The following NOTCH1 variants were observed in gnomAD, a reference collection of about 807,000 sequenced individuals.
The protein encoded by NOTCH1 is neurogenic locus notch homolog protein 1.
In NOTCH1, 37 loss-of-function variants were observed where a neutral mutation model predicts 254.8. That is an observed-to-expected ratio of 0.15 (90% CI 0.11 to 0.19). NOTCH1 has a LOEUF of 0.19. NOTCH1 is among the 10% of genes least tolerant of loss of function. The pLI, the probability that NOTCH1 is intolerant of heterozygous loss-of-function variation, is 1.00. For synonymous variants in NOTCH1, 1,731 were observed against 1,618.1 expected (o/e 1.07, Z -1.68); for missense variants, 2,972 against 3,708.6 (o/e 0.80, Z 5.16).
chr9:136,539,299 C>G (rs1843698386), intron 2 of NOTCH1, among the ~76,000 whole-genome samples: 1 of 152,270 alleles, frequency 6.6e-6, no homozygotes, highest in South Asian at 2.1e-4. Context: ...GGCTCCCACC[C>G]CAGTCTCCGC....
intron 4 of NOTCH1, among the ~76,000 whole-genome samples, chr9:136,522,255 G>A (rs1047345482): frequency 2.6e-5 from 4 of 152,160 alleles, no homozygotes; most frequent in Non-Finnish European, 4.4e-5. Flanking sequence ...GGGAGTACAG[G>A]CGTGAGCCAC....
intron 15 of NOTCH1, among the ~76,000 whole-genome samples, chr9:136,512,559 T>G (rs1353019432): frequency 6.6e-6 from 1 of 152,080 alleles, no homozygotes; most frequent in Non-Finnish European, 1.5e-5. Context: ...GAGCCCGCCA[T>G]CAAAGGAATC....
At chr9:136,511,115 C>A in intron 16 of NOTCH1, 37 bp downstream of exon 16, 1 of 1,612,818 alleles carries the variant, frequency 6.2e-7, no homozygotes, top group Admixed American at 1.7e-5. Flanking sequence ...ATCCTGACCT[C>A]CCATCCCAGC....
rs778727874 is a variant in NOTCH1 at position 136,506,593 on chromosome 9, G to A, written c.3948C>T (p.Cys1316=). The change falls in exon 24 of 34, where the codon TGC becomes TGT. Residue 1316 remains cysteine (C), a synonymous_variant. Coordinates refer to ENST00000651671, the MANE Select transcript of NOTCH1 (RefSeq NM_017617.5). This position sits in a 1 kb window ranked among gnomAD's most constrained non-coding sequence, Gnocchi z 4.5. The stretch of plus-strand genomic sequence containing the variant: ...CCACGGCGCAGGTGCCCCCATTCTT[G>A]CAGGGCTTGCCTTTGCAGCCATTGA... ...SVINGCKGKP[C]KNGGTCAVAS... The A allele has an allele frequency of 1.2e-6, 2 of 1,611,092 alleles. No homozygotes were observed. The highest frequency in any genetic ancestry group is 2.2e-5 in the South Asian group (2 of 90,754).
chr9:136,513,476 A>G lies in NOTCH1; in HGVS notation c.2269T>C (p.Cys757Arg), dbSNP rs1490693169. 1 of 1,613,140 alleles carries G rather than the reference A, an allele frequency of 6.2e-7. No individual in the cohort carries two copies. The highest frequency in any genetic ancestry group is 8.5e-7 in the Non-Finnish European group (1 of 1,179,982). The change falls in exon 14 of 34, where the codon TGT (cysteine) becomes CGT (arginine). Residue 757 changes from cysteine (C) to arginine (R), a missense_variant. Cys to Arg is a radical substitution (Grantham distance 180, BLOSUM62 -3). This residue lies in a region of NOTCH1 where 1,343 missense variants were observed against 1,557.0 expected (regional missense o/e 0.86). Coordinates refer to ENST00000651671, the MANE Select transcript of NOTCH1 (RefSeq NM_017617.5). This position sits in a 1 kb window ranked among gnomAD's most constrained non-coding sequence, Gnocchi z 4.7. Reference sequence around the variant, plus strand: ...CCGTTGACACAAGGGTTGGATTCACACTCATTGTTGTTGATGTCACAGTTG... The same window carrying G: ...CCGTTGACACAAGGGTTGGATTCACGCTCATTGTTGTTGATGTCACAGTTG... ...GTNCDINNNE[C>R]ESNPCVNGGT...
At position 136,496,038 on chromosome 9, in the gene NOTCH1, G is replaced by A; in HGVS notation, c.*33C>T. On this transcript the variant is annotated 3_prime_UTR_variant, in exon 34 of 34. Transcript: ENST00000651671. ...CGCACACAGACGCCCGAAGGCTTGG[G>A]AAAGGAAGCCGGGGTCTCGTGGGGC... 1 of 1,582,238 alleles carries A rather than the reference G, an allele frequency of 6.3e-7. No individual in the cohort carries two copies. The highest frequency in any genetic ancestry group is 1.3e-5 in the African/African-American group (1 of 74,964).
At chr9:136,507,608 C>G (rs1261917914) in intron 21 of NOTCH1, among the ~76,000 whole-genome samples, 171 bp from the exon 22 acceptor site, 1 of 152,238 alleles carries the variant, frequency 6.6e-6, no homozygotes, top group African/African-American at 2.4e-5. Flanking sequence ...CCAACAGACC[C>G]TGGCGGGGCC....
At chr9:136,521,079 G>C (rs1201262238) in intron 4 of NOTCH1, among the ~76,000 whole-genome samples, 1 of 152,206 alleles carries the variant, frequency 6.6e-6, no homozygotes, top group Non-Finnish European at 1.5e-5. Context: ...TCCACACACA[G>C]CTGTCTCCTG....
At chr9:136,527,431 C>G (rs980401240) in intron 2 of NOTCH1, among the ~76,000 whole-genome samples, 1 of 152,140 alleles carries the variant, frequency 6.6e-6, no homozygotes, top group Non-Finnish European at 1.5e-5. Context: ...CAGGGCTTGG[C>G]CGAGTGAGGT....
chr9:136,520,249 A>G (rs1317129226), intron 4 of NOTCH1, among the ~76,000 whole-genome samples: 2 of 152,066 alleles, frequency 1.3e-5, no homozygotes, highest in African/African-American at 4.8e-5. Flanking sequence ...GCCGGTTACT[A>G]ATTGCCGCCC....
intron 2 of NOTCH1, among the ~76,000 whole-genome samples, chr9:136,541,547 T>C (rs1452987875): frequency 4.6e-5 from 7 of 152,254 alleles, no homozygotes; most frequent in Admixed American, 1.3e-4. Flanking sequence ...CAGTGTGGGT[T>C]TCTCCCCTTG....
At position 136,509,035 on chromosome 9, in the gene NOTCH1, G is replaced by T; in HGVS notation, c.3006C>A (p.Ile1002=). The T allele has an allele frequency of 6.4e-7, 1 of 1,562,682 alleles. No homozygotes were observed. The highest frequency in any genetic ancestry group is 2.4e-5 in the East Asian group (1 of 42,060). The change falls in exon 19 of 34, where the codon ATC becomes ATA. Residue 1002 remains isoleucine (I), a synonymous_variant. Transcript: ENST00000651671. ...GTGGACACAGGCAGGTGAACGAGTT[G>T]ATGCCGTCCACGCAGGTGCCACCGT... The part of the protein sequence containing the change: ...CFNGGTCVDG[I]NSFTCLCPPG...
At chr9:136,516,124 C>G (rs2133365630) in intron 9 of NOTCH1, 30 bp from the exon 10 acceptor site, 3 of 1,527,786 alleles carry the variant, frequency 2.0e-6, no homozygotes, top group Non-Finnish European at 2.7e-6. Context: ...GGGAGGGAGT[C>G]ATGTGCAACA....
chr9:136,507,187 A>C, intron 22 of NOTCH1, 118 bp downstream of exon 22: 2 of 1,568,732 alleles, frequency 1.3e-6, no homozygotes, highest in Non-Finnish European at 1.7e-6. Flanking sequence ...GGCCTCACAC[A>C]GGAAAATGGG....
In NOTCH1 at chr9:136,495,417, C is replaced by A. The variant is rs1842900887; in HGVS notation, c.*654G>T. 1 of 398,988 alleles carries A rather than the reference C, an allele frequency of 2.5e-6. No individual in the cohort carries two copies. The highest frequency in any genetic ancestry group is 2.1e-5 in the African/African-American group (1 of 48,774). 24.7% of individuals were successfully genotyped at this position (398,988 alleles called of 1,614,324 possible). On this transcript the variant is annotated 3_prime_UTR_variant, in exon 34 of 34. Transcript: ENST00000651671. ...CCGAGAACACATTTTCACAAGCATG[C>A]TTGCAAGAAACCATCTAAAACACAT...
Position 136,497,160 on chromosome 9 carries a change from G to A in NOTCH1, c.6579C>T (p.Ser2193=), listed in dbSNP as rs2133317911. The A allele has an allele frequency of 6.2e-7, 1 of 1,612,750 alleles. No individual in the cohort carries two copies. The highest frequency in any genetic ancestry group is 1.3e-5 in the African/African-American group (1 of 75,046). The change falls in exon 34 of 34, where the codon AGC becomes AGT. Residue 2193 remains serine, a synonymous_variant. Coordinates refer to ENST00000651671, the MANE Select transcript of NOTCH1 (RefSeq NM_017617.5). ...AGTCCACGGGCGAGAGCATGCCGGA[G>A]CTGTCCAGCAGGCAGCCCTTGCCGT... ...SQDGKGCLLD[S]SGMLSPVDSL...
Position 136,518,142 on chromosome 9 carries a change from G to A in NOTCH1, c.1250C>T (p.Ser417Leu), listed in dbSNP as rs757631575. 41 of 1,587,886 alleles carry A rather than the reference G, an allele frequency of 2.6e-5. No individual in the cohort carries two copies. The highest frequency in any genetic ancestry group is 1.0e-4 in the South Asian group (9 of 88,046). ...CCCCCTGTGCTGGCACCTACCCAGCGAGCACTCATCCACGTCCTGGCTGCA... is the reference window on the plus strand; with the variant it reads ...CCCCCTGTGCTGGCACCTACCCAGCAAGCACTCATCCACGTCCTGGCTGCA... ...PACSQDVDEC[S>L]LGANPCEHAG... The change falls in exon 7 of 34, where the codon TCG becomes TTG. Residue 417 changes from serine (S) to leucine (L), a missense_variant. Ser to Leu is a moderately radical substitution (Grantham distance 145). Coordinates refer to ENST00000651671, the MANE Select transcript of NOTCH1 (RefSeq NM_017617.5).
At chr9:136,514,326 G>T (rs1321145858) in intron 13 of NOTCH1, among the ~76,000 whole-genome samples, 184 bp downstream of exon 13, 1 of 152,230 alleles carries the variant, frequency 6.6e-6, no homozygotes, top group Non-Finnish European at 1.5e-5. Context: ...GCTGCTGGGT[G>T]TGGACTGTAG....
rs1843800321 is a variant in NOTCH1, at chr9:136,545,406, G to A, written c.61+320C>T. On this transcript the variant is annotated intron_variant, in intron 1 of 33. Coordinates refer to ENST00000651671, the MANE Select transcript of NOTCH1 (RefSeq NM_017617.5). The surrounding 1 kb of genome is among the most constrained non-coding windows in gnomAD (Gnocchi z 6.8). ...TAGTAGGCAGCCCGCCCGCCCGGCCGACCGGCGGCAAGCCCCACGCGCGGC... is the reference window on the plus strand; with the variant it reads ...TAGTAGGCAGCCCGCCCGCCCGGCCAACCGGCGGCAAGCCCCACGCGCGGC... 6.6e-6 allele frequency among the ~76,000 whole-genome samples: 1 copy of A among 152,054 alleles called. No homozygotes were observed. Among genetic ancestry groups the A allele is most frequent in the Non-Finnish European group, 1.5e-5 (1 of 67,902 alleles).
Sources: gnomAD v4.1 joint callset for allele counts (sites outside exome capture counted in the v4.1 genomes callset) on GRCh38, gnomAD v4.1.1 for gene constraint, gnomAD v4.1.1 regional missense constraint, Gnocchi (gnomAD v3.1) non-coding constraint, MANE v1.5 for transcripts, NCBI Gene and HGNC (gene_info 2026-07-23, HGNC 2026-07-21) for gene names.